Variants in AP3B1 observed in about 807,000 individuals in gnomAD.
AP3B1 encodes the protein AP-3 complex subunit beta-1.
A neutral mutation model predicts 132.5 loss-of-function variants in AP3B1; 61 were observed. That is an observed-to-expected ratio of 0.46 (90% CI 0.37 to 0.57). AP3B1 has a LOEUF of 0.57. Among genes scored for constraint, AP3B1 ranks in the 20% least tolerant of loss-of-function variants. AP3B1 has a pLI of 0.00. For synonymous variants in AP3B1, 388 were observed against 438.3 expected, an observed-to-expected ratio of 0.89 and a Z score of 1.43; for missense variants, 1,120 against 1,289.4, an observed-to-expected ratio of 0.87 and a Z score of 2.01.
chr5:78,180,801 T>G (rs1744333232), intron 8 of AP3B1, among the ~76,000 whole-genome samples: 1 of 151,974 alleles, frequency 6.6e-6, no homozygotes, highest in Non-Finnish European at 1.5e-5. Flanking sequence ...CACTAAGACA[T>G]AAGTGATTTC....
At chr5:78,119,403 G>A (rs1414737923) in intron 17 of AP3B1, among the ~76,000 whole-genome samples, 2 of 152,048 alleles carry the variant, frequency 1.3e-5, no homozygotes, top group African/African-American at 2.4e-5. Context: ...AGCTACAGGA[G>A]GAAATACAAA....
chr5:78,089,179 G>C, intron 22 of AP3B1: 1 of 490,500 alleles, frequency 2.0e-6, no homozygotes, highest in Non-Finnish European at 3.7e-6. Context: ...ACATACAGAT[G>C]ATAATTAAGT....
intron 22 of AP3B1, among the ~76,000 whole-genome samples, chr5:78,079,177 C>A (rs1749883618): frequency 6.6e-6 from 1 of 152,104 alleles, no homozygotes. Flanking sequence ...TAAAAAGGTA[C>A]CATCCACAAT....
chr5:78,207,384 A>T (rs1745553259), intron 7 of AP3B1, among the ~76,000 whole-genome samples: 1 of 152,052 alleles, frequency 6.6e-6, no homozygotes, highest in Admixed American at 6.6e-5. Context: ...CTGTAATCAC[A>T]CCAGTGTACT....
At chr5:78,067,459 A>G (rs1176646870) in intron 22 of AP3B1, among the ~76,000 whole-genome samples, 1 of 152,246 alleles carries the variant, frequency 6.6e-6, no homozygotes, top group East Asian at 1.9e-4. Context: ...CCAAAACAAC[A>G]GAATATACAT....
intron 13 of AP3B1, 136 bp downstream of exon 13, chr5:78,162,683 G>A (rs1743435751): frequency 1.1e-6 from 1 of 873,688 alleles, no homozygotes; most frequent in African/African-American, 1.7e-5. Flanking sequence ...AGGATAAAAT[G>A]CTACTTATTG....
Position 78,202,587 on chromosome 5 carries a change from G to GTGTA in AP3B1, c.786+13467_786+13468insTACA, listed in dbSNP as rs1745343373. ...TGTGTGTGTGTGTGTGTGTGTGTGT[G>GTGTA]TGTGTATAAATGCAGGAGTATGGTA... On this transcript the variant is annotated intron_variant, in intron 7 of 26. Coordinates refer to ENST00000255194, the MANE Select transcript of AP3B1 (RefSeq NM_003664.5). Among the ~76,000 whole-genome samples, 3 of 138,962 alleles carry GTGTA rather than the reference G, an allele frequency of 2.2e-5. No homozygotes were observed. In the South Asian group the frequency reaches 6.8e-4, roughly 32 times the overall value. 91.2% of individuals were successfully genotyped at this position (138,962 alleles called of 152,430 possible).
At chr5:78,034,564 C>A in intron 23 of AP3B1, 119 bp from the exon 24 acceptor site, 1 of 762,260 alleles carries the variant, frequency 1.3e-6, no homozygotes. Context: ...GTAATGATGG[C>A]TTAAAAATTT....
intron 24 of AP3B1, among the ~76,000 whole-genome samples, chr5:78,021,487 T>C (rs1234189677): frequency 1.3e-5 from 2 of 152,124 alleles, no homozygotes; most frequent in Non-Finnish European, 2.9e-5. Context: ...TTATGATCAA[T>C]AAAAAATACT....
intron 12 of AP3B1, among the ~76,000 whole-genome samples, chr5:78,163,594 T>G (rs1743478907): frequency 7.6e-6 from 1 of 132,232 alleles, no homozygotes; most frequent in South Asian, 2.3e-4. Flanking sequence ...TGTGTGTGTA[T>G]ATATATATAT....
At chr5:78,015,831 AT>A (rs1746835350) in intron 25 of AP3B1, 2 of 375,118 alleles carry the variant, frequency 5.3e-6, no homozygotes, top group African/African-American at 4.2e-5. Context: ...CATATGAAAT[AT>A]CAATTTCAGT....
chr5:78,064,860 G>A (rs111486966), intron 22 of AP3B1, among the ~76,000 whole-genome samples: 68 of 152,310 alleles, frequency 4.5e-4, no homozygotes, highest in Middle Eastern at 3.4e-3. Context: ...GGCTTGATGG[G>A]AATAATTCTC....
intron 22 of AP3B1, among the ~76,000 whole-genome samples, chr5:78,061,400 C>A (rs1464932825): frequency 6.6e-6 from 1 of 152,088 alleles, no homozygotes; most frequent in Non-Finnish European, 1.5e-5. Context: ...GTAAATAAAG[C>A]TATGTAAAAA....
chr5:78,243,137 T>C (rs74627753), intron 2 of AP3B1, among the ~76,000 whole-genome samples: 3,218 of 152,330 alleles, frequency 0.021, 41 homozygotes, highest in Non-Finnish European at 0.032. Context: ...GAGTATTTTG[T>C]GAAACCTGCT....
chr5:78,189,827 G>A (rs1051074868), intron 7 of AP3B1, among the ~76,000 whole-genome samples: 4 of 149,694 alleles, frequency 2.7e-5, no homozygotes, highest in South Asian at 2.1e-4. Context: ...CCAAGATCAC[G>A]CCACTGCACT....
intron 21 of AP3B1, among the ~76,000 whole-genome samples, chr5:78,096,475 G>A (rs1317029591): frequency 2.1e-5 from 3 of 142,884 alleles, no homozygotes; most frequent in East Asian, 2.2e-4. Context: ...GCCGCCCATC[G>A]TCTGGGATGT....
chr5:78,142,095 A>C (rs751718177), intron 14 of AP3B1, among the ~76,000 whole-genome samples: 1 of 152,232 alleles, frequency 6.6e-6, no homozygotes, highest in Non-Finnish European at 1.5e-5. Context: ...CATGAATCCC[A>C]GTCTATTATT....
intron 2 of AP3B1, among the ~76,000 whole-genome samples, chr5:78,260,222 G>T (rs575596533): frequency 2.1e-4 from 32 of 152,186 alleles, no homozygotes; most frequent in Middle Eastern, 6.8e-3. Context: ...CAAGGACTTT[G>T]AAAGAATGCC....
Position 78,163,272 on chromosome 5 carries a change from T to G in AP3B1, c.1231-321A>C, listed in dbSNP as rs75224613. ...TTAAGTGCAAGGTTGAAAGAGATGA[T>G]GAGAGCTCTCTCTTTGGAGGTTTCA... On this transcript the variant is annotated intron_variant, in intron 12 of 26. Coordinates refer to ENST00000255194, the MANE Select transcript of AP3B1 (RefSeq NM_003664.5). 7.2e-3 allele frequency among the ~76,000 whole-genome samples: 1,096 copies of G among 152,190 alleles called. 9 individuals are homozygous for G. Among genetic ancestry groups the G allele is most frequent in the African/African-American group, 0.025 (1,046 of 41,516 alleles).
Sources: gnomAD v4.1 joint callset for allele counts (sites outside exome capture counted in the v4.1 genomes callset) on GRCh38, gnomAD v4.1.1 for gene constraint, MANE v1.5 for transcripts, NCBI Gene and HGNC (gene_info 2026-07-23, HGNC 2026-07-21) for gene names.